ZPBP: variants seen among roughly 807,000 people sequenced by gnomAD.
ZPBP encodes the protein zona pellucida-binding protein 1.
Under a neutral mutation model 44.8 loss-of-function variants are expected in ZPBP, and 26 were observed. That is an observed-to-expected ratio of 0.58 (90% confidence interval 0.43 to 0.81). The LOEUF (loss-of-function observed/expected upper bound fraction) is 0.81. Among genes scored for constraint, ZPBP ranks in the 30% least tolerant of loss-of-function variants. ZPBP has a pLI of 0.00. For missense variants in ZPBP, 409 were observed against 434.0 expected (o/e 0.94, Z 0.51); for synonymous variants, 174 against 153.2 (o/e 1.14, Z -1.00).
At chr7:49,994,180 C>T (rs962347910) in intron 6 of ZPBP, among the ~76,000 whole-genome samples, 69 of 152,198 alleles carry the variant, frequency 4.5e-4, no homozygotes, top group African/African-American at 1.6e-3. Flanking sequence ...CCAAAGTTTT[C>T]CCCACTGAGA....
chr7:49,919,194 C>T (rs975761428), intron 1 of ZPBP: 1 of 152,240 alleles, frequency 6.6e-6, no homozygotes, highest in South Asian at 2.1e-4. Flanking sequence ...AGCTGTGAGT[C>T]TTACTGAATC....
intron 2 of ZPBP, among the ~76,000 whole-genome samples, chr7:49,858,086 T>C (rs910195597): frequency 6.6e-6 from 1 of 152,206 alleles, no homozygotes; most frequent in Non-Finnish European, 1.5e-5. Context: ...ACTTCCACAA[T>C]GGTTGAACTA....
intron 6 of ZPBP, among the ~76,000 whole-genome samples, chr7:49,994,378 T>C (rs962404388): frequency 5.3e-5 from 8 of 152,182 alleles, no homozygotes; most frequent in Non-Finnish European, 1.0e-4. Context: ...AGAGAAGCAG[T>C]GCAGCAGGAA....
At chr7:49,881,718 A>T (rs1562750453) in intron 2 of ZPBP, among the ~76,000 whole-genome samples, 1 of 152,116 alleles carries the variant, frequency 6.6e-6, no homozygotes. Context: ...TAGTAGAATA[A>T]CTCTAAATAG....
At chr7:49,885,521 GGATTTTTTC>G in intron 2 of ZPBP, among the ~76,000 whole-genome samples, 1 of 152,050 alleles carries the variant, frequency 6.6e-6, no homozygotes. Flanking sequence ...TATATAATTA[GGATTTTTTC>G]TAATAACGTT....
At chr7:49,996,196 C>T (rs1797832236) in intron 6 of ZPBP, among the ~76,000 whole-genome samples, 1 of 152,150 alleles carries the variant, frequency 6.6e-6, no homozygotes, top group East Asian at 1.9e-4. Context: ...ATGGCTTTCA[C>T]TTGGCTTTTC....
intron 6 of ZPBP, among the ~76,000 whole-genome samples, chr7:49,985,359 T>C (rs1008548490): frequency 6.6e-6 from 1 of 152,206 alleles, no homozygotes; most frequent in Non-Finnish European, 1.5e-5. Flanking sequence ...ATTTAGCCTG[T>C]GGTAAAATTT....
intron 2 of ZPBP, among the ~76,000 whole-genome samples, chr7:49,862,768 T>C (rs1456345287): frequency 6.6e-6 from 1 of 152,118 alleles, no homozygotes; most frequent in Non-Finnish European, 1.5e-5. Context: ...TGTTGTATTA[T>C]GTCCATTAAT....
chr7:49,996,302 G>A (rs1183437950), intron 6 of ZPBP, among the ~76,000 whole-genome samples: 1 of 152,090 alleles, frequency 6.6e-6, no homozygotes, highest in East Asian at 1.9e-4. Flanking sequence ...CTGGAACTGG[G>A]GAAGTAACCA....
At chr7:49,950,650 A>AT (rs1237923126) in intron 7 of ZPBP, among the ~76,000 whole-genome samples, 1 of 151,762 alleles carries the variant, frequency 6.6e-6, no homozygotes, top group Non-Finnish European at 1.5e-5. Context: ...AATATGGTAT[A>AT]TACCCCTACT....
intron 2 of ZPBP, among the ~76,000 whole-genome samples, chr7:49,851,829 C>T (rs1790190400): frequency 6.6e-6 from 1 of 151,952 alleles, no homozygotes; most frequent in Non-Finnish European, 1.5e-5. Flanking sequence ...GCACTCCAGC[C>T]TGGGAGACAG....
At chr7:49,873,296 G>A (rs1791251567) in intron 2 of ZPBP, among the ~76,000 whole-genome samples, 1 of 152,156 alleles carries the variant, frequency 6.6e-6, no homozygotes, top group Admixed American at 6.5e-5. Context: ...AGTGCCTGGT[G>A]AGGGCCTGCT....
chr7:49,986,442 G>A (rs199657751), intron 6 of ZPBP, among the ~76,000 whole-genome samples: 4 of 152,164 alleles, frequency 2.6e-5, no homozygotes, highest in East Asian at 3.9e-4. Flanking sequence ...AGGGTCCTGC[G>A]TGGCAGGCTG....
chr7:49,960,490 CA>C (rs1795821845), intron 7 of ZPBP, among the ~76,000 whole-genome samples: 1 of 150,972 alleles, frequency 6.6e-6, no homozygotes, highest in Non-Finnish European at 1.5e-5. Context: ...TATTAGAACA[CA>C]AACACTTACA....
Position 49,937,633 on chromosome 7 carries a change from A to T in ZPBP, c.962-11T>A. 1 of 1,604,412 alleles carries T rather than the reference A, an allele frequency of 6.2e-7. No homozygotes were observed. Among genetic ancestry groups the T allele is most frequent in the Non-Finnish European group, 8.5e-7 (1 of 1,171,306 alleles). ...CAGGGCTGCAGATCACTGTGAAAAA[A>T]GAGTAAGTTAATAAGTAGTATTTTC... is the stretch of plus-strand genomic sequence containing the variant. On this transcript the variant is annotated splice_polypyrimidine_tract_variant and intron_variant, in intron 7 of 7. Transcript: ENST00000046087.
chr7:49,885,804 G>A (rs1309587552), intron 2 of ZPBP, among the ~76,000 whole-genome samples: 2 of 152,216 alleles, frequency 1.3e-5, no homozygotes, highest in Admixed American at 6.5e-5. Flanking sequence ...ACTAGCACCG[G>A]GGACGCAGCC....
chr7:49,956,436 G>A (rs12666043), intron 7 of ZPBP, among the ~76,000 whole-genome samples: 28,634 of 151,918 alleles, frequency 0.19, 3,781 homozygotes, highest in East Asian at 0.64. Flanking sequence ...ATATGTAAAT[G>A]TAGCAAAGTA....
At chr7:49,902,441 C>G (rs1792808141) in intron 1 of ZPBP, among the ~76,000 whole-genome samples, 1 of 150,978 alleles carries the variant, frequency 6.6e-6, no homozygotes, top group African/African-American at 2.4e-5. Context: ...AACAGTACAG[C>G]AAATTTATTT....
intron 1 of ZPBP, among the ~76,000 whole-genome samples, chr7:49,928,834 T>C: frequency 6.6e-6 from 1 of 152,172 alleles, no homozygotes; most frequent in East Asian, 1.9e-4. Flanking sequence ...TAGTAACTTG[T>C]TGGCCCAAAC....
Sources: gnomAD v4.1 joint callset for allele counts (sites outside exome capture counted in the v4.1 genomes callset) on GRCh38, gnomAD v4.1.1 for gene constraint, MANE v1.5 for transcripts, NCBI Gene and HGNC (gene_info 2026-07-23, HGNC 2026-07-21) for gene names.